DTNA: variants seen among roughly 807,000 people sequenced by gnomAD.
DTNA encodes the protein dystrobrevin alpha.
In DTNA, 43 loss-of-function variants were observed where a neutral mutation model predicts 100.7. That is an observed-to-expected ratio of 0.43 (90% confidence interval 0.33 to 0.55). DTNA has a LOEUF of 0.55. DTNA is among the 20% of genes least tolerant of loss of function. The probability of loss-of-function intolerance (pLI) is 0.04; values close to 1 mark genes in which losing one functional copy is unlikely to be tolerated. For missense variants in DTNA, 798 were observed against 953.9 expected, an observed-to-expected ratio of 0.84 and a Z score of 2.15; for synonymous variants, 349 against 347.9, an observed-to-expected ratio of 1.00 and a Z score of -0.04.
At chr18:34,795,402 C>T (rs572562858) in intron 4 of DTNA, among the ~76,000 whole-genome samples, 1 of 152,320 alleles carries the variant, frequency 6.6e-6, no homozygotes, top group Admixed American at 6.5e-5. Flanking sequence ...AATTTTACAA[C>T]TAGCATTCCA....
At chr18:34,504,451 A>G (rs897706403) in intron 1 of DTNA, among the ~76,000 whole-genome samples, 9 of 152,056 alleles carry the variant, frequency 5.9e-5, no homozygotes, top group African/African-American at 1.7e-4. Flanking sequence ...TTGATGTTCT[A>G]ACCTTTCTTC....
intron 1 of DTNA, among the ~76,000 whole-genome samples, chr18:34,565,998 C>A (rs1166616144): frequency 6.6e-6 from 1 of 152,126 alleles, no homozygotes; most frequent in Non-Finnish European, 1.5e-5. Flanking sequence ...TGGCAAATAG[C>A]AAGCACTCAG....
rs1333587114 is a variant in DTNA, at chr18:34,890,554, T to C, written c.*2820T>C. 1.4e-5 allele frequency: 21 copies of C among 1,463,100 alleles called. No homozygotes were observed. Among genetic ancestry groups the C allele is most frequent in the Middle Eastern group, 1.7e-4 (1 of 5,720 alleles). The allele number at this position is 1,463,100 out of a possible 1,614,324, so 90.6% of individuals were successfully genotyped here. Reference sequence around the variant, plus strand: ...GCACATCCATCTCCATCAGAGCTGATAGCCTGTTAATAAGCACTGGTCTAA... The same window carrying C: ...GCACATCCATCTCCATCAGAGCTGACAGCCTGTTAATAAGCACTGGTCTAA... On this transcript the variant is annotated 3_prime_UTR_variant, in exon 23 of 23. Transcript: ENST00000444659.
chr18:34,636,638 TG>T (rs1319368853), intron 1 of DTNA, among the ~76,000 whole-genome samples: 5 of 151,798 alleles, frequency 3.3e-5, no homozygotes, highest in Non-Finnish European at 4.4e-5. Flanking sequence ...TGATGAAGAG[TG>T]TATTGATTTT....
chr18:34,580,009 CT>C lies in DTNA; in HGVS notation c.-2+86504del, dbSNP rs1242253290. Among the ~76,000 whole-genome samples, 9 of 151,494 alleles carry C rather than the reference CT, an allele frequency of 5.9e-5. No homozygotes were observed. The South Asian group carries it at 1.0e-3, about 18-fold the overall frequency. On this transcript the variant is annotated intron_variant, in intron 1 of 19. Coordinates refer to the DTNA transcript ENST00000283365. ...GGATATCTGTCCCATTTTCTTCACT[CT>C]TTTTTTTTCTCTAGTGTTTCAGTTT...
chr18:34,589,374 C>T (rs904850525), intron 1 of DTNA, among the ~76,000 whole-genome samples: 9 of 151,884 alleles, frequency 5.9e-5, no homozygotes, highest in East Asian at 3.9e-4. Flanking sequence ...TTCAGGAGGC[C>T]GAGGCGGGTG....
chr18:34,873,800 G>A (rs1007089631), intron 17 of DTNA, among the ~76,000 whole-genome samples: 19 of 152,194 alleles, frequency 1.2e-4, no homozygotes, highest in African/African-American at 4.6e-4. Flanking sequence ...AAGGTTTCAA[G>A]GTAATGGGGC....
intron 1 of DTNA, among the ~76,000 whole-genome samples, chr18:34,671,501 C>T (rs2076753688): frequency 1.3e-5 from 2 of 152,208 alleles, no homozygotes; most frequent in Admixed American, 6.5e-5. Context: ...GAGCTGTAGA[C>T]TGGAGCTGTT....
chr18:34,566,843 C>T (rs921682066), intron 1 of DTNA, among the ~76,000 whole-genome samples: 1 of 152,166 alleles, frequency 6.6e-6, no homozygotes, highest in Admixed American at 6.5e-5. Context: ...TAAAAGGAGC[C>T]TTAATGTTTA....
intron 3 of DTNA, among the ~76,000 whole-genome samples, chr18:34,773,823 T>C (rs2093906645): frequency 1.3e-5 from 2 of 152,248 alleles, no homozygotes; most frequent in Non-Finnish European, 1.5e-5. Flanking sequence ...TTTAAAGTCC[T>C]GATGATTATG....
chr18:34,757,608 G>A (rs1252338840), intron 2 of DTNA, among the ~76,000 whole-genome samples: 1 of 152,110 alleles, frequency 6.6e-6, no homozygotes, highest in African/African-American at 2.4e-5. Flanking sequence ...CTGATATAGT[G>A]CCTGGCTCAG....
rs544651947 is a variant in DTNA at position 34,871,448 on chromosome 18, G to A, written c.1744-3791G>A. Among the ~76,000 whole-genome samples, 10 of 152,240 alleles carry A rather than the reference G, an allele frequency of 6.6e-5. No homozygotes were observed. In the South Asian group the frequency reaches 1.9e-3, roughly 28 times the overall value. On this transcript the variant is annotated intron_variant, in intron 17 of 22. Coordinates refer to ENST00000444659, the MANE Select transcript of DTNA (RefSeq NM_001386795.1). ...TTCCATAAATCAACTCTCTCCTTGG[G>A]AATTTTAGATCTATATATTGATCTG...
At chr18:34,844,079 A>G (rs1278135253) in intron 13 of DTNA, among the ~76,000 whole-genome samples, 29 of 152,170 alleles carry the variant, frequency 1.9e-4, no homozygotes, top group Admixed American at 1.9e-3. Flanking sequence ...TCCTGGAAAT[A>G]TAAATCTAAA....
intron 1 of DTNA, among the ~76,000 whole-genome samples, chr18:34,510,731 T>C (rs749499472): frequency 6.6e-6 from 1 of 151,180 alleles, no homozygotes; most frequent in Non-Finnish European, 1.5e-5. Context: ...AAACCCATTC[T>C]AGAGCCACAC....
At chr18:34,534,673 G>C (rs576394857) in intron 1 of DTNA, among the ~76,000 whole-genome samples, 5 of 151,960 alleles carry the variant, frequency 3.3e-5, no homozygotes, top group East Asian at 2.0e-4. Flanking sequence ...GCTCTGGTGC[G>C]TGATGTTCCC....
intron 1 of DTNA, among the ~76,000 whole-genome samples, chr18:34,570,229 C>T (rs752926723): frequency 4.9e-4 from 74 of 152,168 alleles, no homozygotes; most frequent in Non-Finnish European, 4.6e-4. Context: ...TTTTCGTTCA[C>T]ATCTGTATCT....
chr18:34,673,813 T>C (rs944102159), intron 1 of DTNA, among the ~76,000 whole-genome samples: 1 of 152,242 alleles, frequency 6.6e-6, no homozygotes, highest in Admixed American at 6.5e-5. Flanking sequence ...AGTGATAAGG[T>C]ACAACTTTTT....
At chr18:34,880,008 A>G (rs2150377362) in intron 20 of DTNA, among the ~76,000 whole-genome samples, 1 of 152,224 alleles carries the variant, frequency 6.6e-6, no homozygotes, top group South Asian at 2.1e-4. Context: ...GTATTAAAAA[A>G]CTGCTGCCAC....
At chr18:34,561,833 A>G (rs932017981) in intron 1 of DTNA, among the ~76,000 whole-genome samples, 6 of 152,156 alleles carry the variant, frequency 3.9e-5, no homozygotes, top group African/African-American at 1.2e-4. Context: ...GTTTTATTGA[A>G]TATTGTGATT....
Sources: gnomAD v4.1 joint callset for allele counts (sites outside exome capture counted in the v4.1 genomes callset) on GRCh38, gnomAD v4.1.1 for gene constraint, MANE v1.5 for transcripts, NCBI Gene and HGNC (gene_info 2026-07-23, HGNC 2026-07-21) for gene names.